FLI1: variants seen among roughly 807,000 people sequenced by gnomAD.
The protein encoded by FLI1 is Friend leukemia integration 1 transcription factor.
Under a neutral mutation model 53.1 loss-of-function variants are expected in FLI1, and 13 were observed. That is an observed-to-expected ratio of 0.24 (90% CI 0.16 to 0.39). The LOEUF (loss-of-function observed/expected upper bound fraction) is 0.39. Ranked by LOEUF, FLI1 falls within the 10% of genes least tolerant of loss-of-function variation. The pLI is 1.00. For synonymous variants in FLI1, 244 were observed against 236.7 expected, an observed-to-expected ratio of 1.03 and a Z score of -0.28; for missense variants, 424 against 600.5, an observed-to-expected ratio of 0.71 and a Z score of 3.07.
intron 7 of FLI1, 66 bp downstream of exon 7, chr11:128,807,305 C>T: frequency 2.6e-6 from 3 of 1,140,792 alleles, no homozygotes; most frequent in South Asian, 1.5e-5. Flanking sequence ...ACATGGTCAA[C>T]TGATGGAGGG....
intron 5 of FLI1, among the ~76,000 whole-genome samples, chr11:128,794,574 A>G (rs1942374131): frequency 6.6e-6 from 1 of 152,216 alleles, no homozygotes; most frequent in South Asian, 2.1e-4. Context: ...TGTTATTTTA[A>G]TATAAAAACC....
chr11:128,768,850 G>T lies in FLI1; in HGVS notation c.385+578G>T, dbSNP rs867863508. On this transcript the variant is annotated intron_variant, in intron 3 of 8. Transcript: ENST00000527786. ...ATCAATGGCCTGGTCCTCAAGGACG[G>T]GCTGCTCAGAGAGCAGAGGCAAGGC... 4.6e-4 allele frequency among the ~76,000 whole-genome samples: 70 copies of T among 152,276 alleles called. 1 individual carries two copies. The highest frequency in any genetic ancestry group is 6.7e-4 in the African/African-American group (28 of 41,560).
chr11:128,751,980 C>A (rs141943529), intron 1 of FLI1, among the ~76,000 whole-genome samples: 2,394 of 151,534 alleles, frequency 0.016, 28 homozygotes, highest in Non-Finnish European at 0.023. Flanking sequence ...CAATTTTTTT[C>A]TTTTTTTTCT....
intron 1 of FLI1, among the ~76,000 whole-genome samples, chr11:128,717,065 C>T (rs1467809985): frequency 3.3e-5 from 5 of 152,076 alleles, no homozygotes; most frequent in African/African-American, 4.8e-5. Context: ...GAAGCAGTGG[C>T]GGCTTCTGCT....
At chr11:128,764,684 T>C (rs1397437330) in intron 2 of FLI1, 6 of 1,539,132 alleles carry the variant, frequency 3.9e-6, no homozygotes, top group Non-Finnish European at 4.4e-6. Context: ...CAGCCTTTTA[T>C]GCTGGGCTTC....
rs149834846 is a variant in FLI1, at chr11:128,714,315, C to T, written c.18+20039C>T. Among the ~76,000 whole-genome samples the T allele has an allele frequency of 2.6e-5, 4 of 152,234 alleles. No individual in the cohort carries two copies. In the East Asian group the frequency reaches 7.7e-4, roughly 29 times the overall value. On this transcript the variant is annotated intron_variant, in intron 1 of 8. Transcript: ENST00000527786. ...TCCTGATCTCCATCAAAGATGTGGG[C>T]CTTCTCATGCTGCAGTTTCCTCAAC...
intron 4 of FLI1, among the ~76,000 whole-genome samples, chr11:128,780,541 A>T (rs1017587729): frequency 3.3e-5 from 5 of 152,216 alleles, no homozygotes; most frequent in Admixed American, 2.6e-4. Flanking sequence ...GTTGCAGTGA[A>T]CTGAGATCGC....
rs532425661 is a variant in FLI1, at chr11:128,797,031, C to T, written c.656-8335C>T. On this transcript the variant is annotated intron_variant, in intron 5 of 8. Coordinates refer to ENST00000527786, the MANE Select transcript of FLI1 (RefSeq NM_002017.5). ...GTAGTGCTCCTTCAGCATGAACTCA[C>T]CTGTCCACTTCTGCTACACTGAACC... 7.2e-5 allele frequency among the ~76,000 whole-genome samples: 11 copies of T among 152,348 alleles called. No homozygotes were observed. The East Asian group carries it at 2.1e-3, about 29-fold the overall frequency.
At chr11:128,715,868 C>A (rs762931730) in intron 1 of FLI1, among the ~76,000 whole-genome samples, 1 of 152,184 alleles carries the variant, frequency 6.6e-6, no homozygotes, top group Admixed American at 6.5e-5. Flanking sequence ...ACAAGTGGAA[C>A]ATTTCCAGGA....
At chr11:128,793,326 A>C (rs868693918) in intron 5 of FLI1, among the ~76,000 whole-genome samples, 2 of 152,158 alleles carry the variant, frequency 1.3e-5, no homozygotes, top group South Asian at 2.1e-4. Flanking sequence ...TCTTAAAGAC[A>C]CGTCCAGGAT....
chr11:128,694,321 G>A (rs1366451223), intron 1 of FLI1, 45 bp downstream of exon 1: 3 of 1,304,636 alleles, frequency 2.3e-6, no homozygotes, highest in Non-Finnish European at 2.0e-6. Context: ...ACCGGCCGGG[G>A]AGGCGAAGCG....
At position 128,772,996 on chromosome 11, in the gene FLI1, C is replaced by A; in HGVS notation, c.589+11C>A. 6.2e-7 allele frequency: 1 copy of A among 1,611,586 alleles called. No individual in the cohort carries two copies. Among genetic ancestry groups the A allele is most frequent in the Non-Finnish European group, 8.5e-7 (1 of 1,179,078 alleles). On this transcript the variant is annotated intron_variant, in intron 4 of 8. Transcript: ENST00000527786. The stretch of plus-strand genomic sequence containing the variant: ...GTTACCTCAGGGAAAGTAAGTGCCG[C>A]CCAAGTACCCAGGGCTGGGAGGAAG...
chr11:128,773,014 G>A, intron 4 of FLI1, 29 bp downstream of exon 4: 1 of 1,603,504 alleles, frequency 6.2e-7, no homozygotes, highest in Non-Finnish European at 8.5e-7. Context: ...CCCAGGGCTG[G>A]GAGGAAGCTT....
intron 1 of FLI1, among the ~76,000 whole-genome samples, chr11:128,739,211 C>T (rs1161094507): frequency 2.0e-5 from 3 of 152,184 alleles, no homozygotes; most frequent in African/African-American, 7.2e-5. Context: ...GGCCCAATAG[C>T]ACTTGCTCCA....
intron 1 of FLI1, among the ~76,000 whole-genome samples, chr11:128,757,525 C>T (rs1940941272): frequency 6.6e-6 from 1 of 152,198 alleles, no homozygotes; most frequent in Admixed American, 6.5e-5. Flanking sequence ...CACCTATCGA[C>T]TCTGTGCTAA....
chr11:128,784,047 G>C (rs999638211), intron 5 of FLI1, among the ~76,000 whole-genome samples: 19 of 152,174 alleles, frequency 1.2e-4, no homozygotes, highest in African/African-American at 1.9e-4. Context: ...GAACTGCTGA[G>C]TTCGGATTTT....
chr11:128,714,644 T>A (rs553266498), intron 1 of FLI1, among the ~76,000 whole-genome samples: 101 of 151,688 alleles, frequency 6.7e-4, no homozygotes, highest in Non-Finnish European at 1.3e-3. Context: ...ACAATAATGA[T>A]GATGATGATG....
At chr11:128,707,654 C>T (rs1218221425) in intron 1 of FLI1, among the ~76,000 whole-genome samples, 1 of 152,166 alleles carries the variant, frequency 6.6e-6, no homozygotes, top group Non-Finnish European at 1.5e-5. Context: ...CCCCTCCCTG[C>T]CTTCTTGGAG....
intron 2 of FLI1, among the ~76,000 whole-genome samples, chr11:128,762,885 G>A (rs1941179347): frequency 6.6e-6 from 1 of 152,034 alleles, no homozygotes; most frequent in Non-Finnish European, 1.5e-5. Flanking sequence ...GAATCTGGGA[G>A]ACGGAGGTTG....
Sources: allele counts gnomAD v4.1 joint callset (sites outside exome capture counted in the v4.1 genomes callset), GRCh38; gene constraint gnomAD v4.1.1; transcripts MANE v1.5; gene names NCBI Gene and HGNC (gene_info 2026-07-23, HGNC 2026-07-21).